Variants in FLRT2 observed in about 807,000 individuals in gnomAD.
The protein encoded by FLRT2 is fibronectin leucine rich transmembrane protein 2.
FLRT2 carries 15 observed loss-of-function variants against 40.0 expected under a neutral mutation model. That is an observed-to-expected ratio of 0.38 (90% confidence interval 0.25 to 0.58). The LOEUF is 0.58. Ranked by LOEUF, FLRT2 falls within the 20% of genes least tolerant of loss-of-function variation. The probability of loss-of-function intolerance (pLI) is 0.71; values close to 1 mark genes in which losing one functional copy is unlikely to be tolerated. For missense variants in FLRT2, 726 were observed against 840.0 expected (o/e 0.86, Z 1.68); for synonymous variants, 380 against 336.8 (o/e 1.13, Z -1.41).
At chr14:85,533,147 G>GA (rs1207727791) in intron 1 of FLRT2, among the ~76,000 whole-genome samples, 3 of 152,190 alleles carry the variant, frequency 2.0e-5, no homozygotes, top group Non-Finnish European at 2.9e-5. Context: ...CTCCGGGAGA[G>GA]AGGGAGGGAA....
chr14:85,601,713 T>C (rs1015176029), intron 1 of FLRT2, among the ~76,000 whole-genome samples: 1 of 152,156 alleles, frequency 6.6e-6, no homozygotes, highest in African/African-American at 2.4e-5. Context: ...CTTAGAGAGA[T>C]GTGAGGATCA....
At chr14:85,557,252 G>GTT (rs34327470) in intron 1 of FLRT2, among the ~76,000 whole-genome samples, 117 of 147,726 alleles carry the variant, frequency 7.9e-4, no homozygotes, top group African/African-American at 8.9e-4. Flanking sequence ...AATTTCCAGT[G>GTT]TTTTTTTTTT....
At chr14:85,570,202 A>G (rs1043074033) in intron 1 of FLRT2, among the ~76,000 whole-genome samples, 1 of 152,060 alleles carries the variant, frequency 6.6e-6, no homozygotes, top group Admixed American at 6.5e-5. Context: ...TTTGCATTGA[A>G]TATTAAAGAT....
chr14:85,568,908 C>G (rs1890763545), intron 1 of FLRT2, among the ~76,000 whole-genome samples: 1 of 150,054 alleles, frequency 6.7e-6, no homozygotes, highest in Admixed American at 6.7e-5. Flanking sequence ...CTCTCTGCCT[C>G]TCACTCATTC....
chr14:85,585,438 C>T (rs984858397), intron 1 of FLRT2, among the ~76,000 whole-genome samples: 3 of 152,066 alleles, frequency 2.0e-5, no homozygotes, highest in Non-Finnish European at 2.9e-5. Flanking sequence ...CTGATAATAC[C>T]AAAATTATCT....
At chr14:85,568,712 T>C (rs575655528) in intron 1 of FLRT2, among the ~76,000 whole-genome samples, 47 of 152,304 alleles carry the variant, frequency 3.1e-4, no homozygotes, top group African/African-American at 9.4e-4. Flanking sequence ...CACTTCACTA[T>C]GGAGCCCAAC....
chr14:85,572,928 A>G (rs1225086569), intron 1 of FLRT2, among the ~76,000 whole-genome samples: 1 of 152,116 alleles, frequency 6.6e-6, no homozygotes, highest in African/African-American at 2.4e-5. Flanking sequence ...AACTCTCTCA[A>G]GAGAGAGTTT....
chr14:85,535,892 G>GTTTTGTTT (rs1566713949), intron 1 of FLRT2, among the ~76,000 whole-genome samples: 3 of 57,898 alleles, frequency 5.2e-5, no homozygotes, highest in East Asian at 6.6e-4. Context: ...AAGGAATGCT[G>GTTTTGTTT]TTTTTTTTTT....
chr14:85,578,009 G>C (rs919109384), intron 1 of FLRT2, among the ~76,000 whole-genome samples: 1 of 151,346 alleles, frequency 6.6e-6, no homozygotes, highest in Non-Finnish European at 1.5e-5. Context: ...GAGTTGAGCA[G>C]GAAAGGGCCC....
At chr14:85,562,991 A>C (rs964006488) in intron 1 of FLRT2, 2 of 152,102 alleles carry the variant, frequency 1.3e-5, no homozygotes, top group African/African-American at 4.8e-5. Flanking sequence ...TGTTCTACTT[A>C]TCTAGCGCCC....
intron 1 of FLRT2, chr14:85,562,734 A>G (rs1890421759): frequency 6.6e-6 from 1 of 151,746 alleles, no homozygotes. Context: ...ATAACGGGAA[A>G]GAATGTCGTC....
At chr14:85,599,166 C>T (rs934635360) in intron 1 of FLRT2, among the ~76,000 whole-genome samples, 4 of 150,256 alleles carry the variant, frequency 2.7e-5, no homozygotes, top group African/African-American at 4.9e-5. Context: ...GTGATCTGCC[C>T]GCCTCGGCCT....
intron 1 of FLRT2, among the ~76,000 whole-genome samples, chr14:85,578,144 ATATATATAAAAATATCTT>A (rs960191708): frequency 1.7e-4 from 25 of 146,058 alleles, no homozygotes; most frequent in African/African-American, 3.0e-4. Flanking sequence ...ATATATATTT[ATATATATAAAAATATCTT>A]TATATATAAA....
At chr14:85,609,794 C>G (rs957616024) in intron 1 of FLRT2, among the ~76,000 whole-genome samples, 2 of 152,226 alleles carry the variant, frequency 1.3e-5, no homozygotes, top group Non-Finnish European at 2.9e-5. Context: ...ACAGCCCAGG[C>G]AGCCTTCTAG....
In FLRT2 at chr14:85,578,190, TTATATATATTTATATATAAATATACG is replaced by T. The variant is rs1396205824; in HGVS notation, c.-376-42931_-376-42906del. On this transcript the variant is annotated intron_variant, in intron 1 of 1. Coordinates refer to ENST00000330753, the MANE Select transcript of FLRT2 (RefSeq NM_013231.6). ...TATATAAAAATATCTTTATATATAT[TTATATATATTTATATATAAATATACG>T]TATATATATTTATATATTTTTTATG... Among the ~76,000 whole-genome samples the T allele has an allele frequency of 9.0e-4, 131 of 145,854 alleles. No individual in the cohort carries two copies. In the Middle Eastern group the frequency reaches 0.018, roughly 20 times the overall value.
chr14:85,594,710 T>C (rs374058407), intron 1 of FLRT2, among the ~76,000 whole-genome samples: 27 of 152,218 alleles, frequency 1.8e-4, no homozygotes, highest in African/African-American at 6.3e-4. Flanking sequence ...TCATAAAAAC[T>C]AAAGTTTACT....
At chr14:85,557,002 GA>G (rs1271747727) in intron 1 of FLRT2, among the ~76,000 whole-genome samples, 1 of 152,136 alleles carries the variant, frequency 6.6e-6, no homozygotes, top group African/African-American at 2.4e-5. Flanking sequence ...AGAAACCCCT[GA>G]TAAAACCATC....
intron 1 of FLRT2, among the ~76,000 whole-genome samples, chr14:85,576,520 C>A (rs1286227811): frequency 6.6e-6 from 1 of 152,192 alleles, no homozygotes; most frequent in Non-Finnish European, 1.5e-5. Context: ...AAGCTTTCAA[C>A]ACCTTCTTCT....
chr14:85,574,559 G>C (rs1296523523), intron 1 of FLRT2, among the ~76,000 whole-genome samples: 1 of 152,130 alleles, frequency 6.6e-6, no homozygotes, highest in Non-Finnish European at 1.5e-5. Flanking sequence ...TGGAAATTTG[G>C]AGACGCCTTT....
Sources: gnomAD v4.1 joint callset for allele counts (sites outside exome capture counted in the v4.1 genomes callset) on GRCh38, gnomAD v4.1.1 for gene constraint, MANE v1.5 for transcripts, NCBI Gene and HGNC (gene_info 2026-07-23, HGNC 2026-07-21) for gene names.